PARP8: variants seen among roughly 807,000 people sequenced by gnomAD.
The protein encoded by PARP8 is poly(ADP-ribose) polymerase family member 8.
PARP8 carries 51 observed loss-of-function variants against 124.1 expected under a neutral mutation model. That is an observed-to-expected ratio of 0.41 (90% confidence interval 0.33 to 0.52). PARP8 has a LOEUF of 0.52. PARP8 is among the 20% of genes least tolerant of loss of function. The pLI, the probability that PARP8 is intolerant of heterozygous loss-of-function variation, is 0.21. For synonymous variants in PARP8, 391 were observed against 361.5 expected (o/e 1.08, Z -0.93); for missense variants, 860 against 1,018.9 (o/e 0.84, Z 2.12).
intron 7 of PARP8, among the ~76,000 whole-genome samples, chr5:50,775,384 G>A (rs1268180115): frequency 3.9e-5 from 6 of 152,270 alleles, no homozygotes; most frequent in South Asian, 2.1e-4. Flanking sequence ...GTGAAACCCC[G>A]TCTCCACCAA....
At chr5:50,747,256 AG>A (rs545857809) in intron 2 of PARP8, among the ~76,000 whole-genome samples, 128 of 148,364 alleles carry the variant, frequency 8.6e-4, no homozygotes, top group African/African-American at 3.1e-3. Context: ...ACTCTTTTCA[AG>A]GACTTAAGAC....
intron 4 of PARP8, 82 bp from the exon 5 acceptor site, chr5:50,760,210 A>G: frequency 8.5e-7 from 1 of 1,173,312 alleles, no homozygotes; most frequent in Non-Finnish European, 1.1e-6. Flanking sequence ...CCTAAAGGGT[A>G]GTTTTATACC....
intron 25 of PARP8, among the ~76,000 whole-genome samples, chr5:50,836,783 G>GATTGTT (rs1386496422): frequency 6.6e-6 from 1 of 152,100 alleles, no homozygotes; most frequent in Non-Finnish European, 1.5e-5. Context: ...TAACTATCTT[G>GATTGTT]ATTGTTATCC....
chr5:50,837,481 C>T (rs1747710244), intron 25 of PARP8, among the ~76,000 whole-genome samples: 1 of 152,044 alleles, frequency 6.6e-6, no homozygotes, highest in Non-Finnish European at 1.5e-5. Flanking sequence ...AATTTCTGTT[C>T]TTTTTATTTT....
chr5:50,796,819 T>C (rs1160072915), intron 12 of PARP8, among the ~76,000 whole-genome samples, 163 bp from the exon 13 acceptor site: 1 of 152,098 alleles, frequency 6.6e-6, no homozygotes, highest in Non-Finnish European at 1.5e-5. Context: ...TATAATAGAG[T>C]GAATAAAAAA....
intron 9 of PARP8, among the ~76,000 whole-genome samples, chr5:50,782,721 GTGTGT>G (rs1232741005): frequency 2.0e-5 from 3 of 152,112 alleles, no homozygotes; most frequent in African/African-American, 7.2e-5. Context: ...CCATTTTACG[GTGTGT>G]TGCCTGGGAC....
At chr5:50,815,546 T>A in intron 15 of PARP8, 22 bp downstream of exon 15, 2 of 1,530,914 alleles carry the variant, frequency 1.3e-6, no homozygotes, top group South Asian at 1.2e-5. Flanking sequence ...GGATACTAAT[T>A]ATTTCTTATT....
chr5:50,780,031 T>A (rs770018937), intron 9 of PARP8, among the ~76,000 whole-genome samples: 1 of 152,210 alleles, frequency 6.6e-6, no homozygotes, highest in Non-Finnish European at 1.5e-5. Flanking sequence ...GAAAAGGAAT[T>A]TCTCATAATT....
intron 3 of PARP8, among the ~76,000 whole-genome samples, chr5:50,758,795 T>C (rs904392999): frequency 6.6e-6 from 1 of 152,192 alleles, no homozygotes; most frequent in African/African-American, 2.4e-5. Flanking sequence ...TGTATTACCA[T>C]ATACTTGGAG....
chr5:50,682,516 C>A (rs1384525428), intron 2 of PARP8, among the ~76,000 whole-genome samples: 1 of 152,020 alleles, frequency 6.6e-6, no homozygotes, highest in Non-Finnish European at 1.5e-5. Flanking sequence ...TACCTTGTTA[C>A]TGCAGAAATG....
At chr5:50,723,862 G>A (rs2149508051) in intron 2 of PARP8, among the ~76,000 whole-genome samples, 1 of 152,092 alleles carries the variant, frequency 6.6e-6, no homozygotes, top group South Asian at 2.1e-4. Context: ...AATTCGTGAG[G>A]CATTGAAATT....
intron 2 of PARP8, among the ~76,000 whole-genome samples, chr5:50,678,503 A>G (rs1299957762): frequency 6.6e-6 from 1 of 152,192 alleles, no homozygotes; most frequent in Non-Finnish European, 1.5e-5. Flanking sequence ...TACAATTGCT[A>G]TAAATGTATC....
intron 10 of PARP8, among the ~76,000 whole-genome samples, chr5:50,789,168 C>T (rs1390166490): frequency 6.6e-6 from 1 of 152,154 alleles, no homozygotes; most frequent in Non-Finnish European, 1.5e-5. Context: ...GGTTTTTTAA[C>T]TAAACACTTT....
At chr5:50,704,592 A>T (rs1753937129) in intron 2 of PARP8, among the ~76,000 whole-genome samples, 1 of 152,166 alleles carries the variant, frequency 6.6e-6, no homozygotes, top group East Asian at 1.9e-4. Context: ...CTGGATTGAG[A>T]CGTGCTGTAA....
At position 50,667,102 on chromosome 5, in the gene PARP8, A is replaced by T; in HGVS notation, c.7A>T (p.Met3Leu). ...TTTTCCAGGGATTTATTTAATGGGGATGTGTTCAAGGCAAGAGCGAATTCA... is the reference window on the plus strand; with the variant it reads ...TTTTCCAGGGATTTATTTAATGGGGTTGTGTTCAAGGCAAGAGCGAATTCA... MG[M>L]CSRQERIQKD... Residue 3 changes from methionine to leucine, a missense_variant, in exon 1 of 26, where the codon ATG becomes TTG. Physicochemically the swap from Met to Leu is conservative, Grantham distance 15. This residue lies in a region of PARP8 where 517 missense variants were observed against 544.2 expected (regional missense o/e 0.95). Coordinates refer to ENST00000281631, the MANE Select transcript of PARP8 (RefSeq NM_024615.4). The T allele has an allele frequency of 6.3e-7, 1 of 1,595,886 alleles. No homozygotes were observed. Among genetic ancestry groups the T allele is most frequent in the Non-Finnish European group, 8.5e-7 (1 of 1,179,702 alleles).
chr5:50,828,152 C>T (rs2149712166), intron 20 of PARP8, 96 bp downstream of exon 20: 2 of 1,141,582 alleles, frequency 1.8e-6, no homozygotes, highest in Admixed American at 1.8e-5. Context: ...AATGATCATT[C>T]AGTAGATGGT....
At chr5:50,720,854 T>A (rs1311083128) in intron 2 of PARP8, among the ~76,000 whole-genome samples, 1 of 151,928 alleles carries the variant, frequency 6.6e-6, no homozygotes, top group African/African-American at 2.4e-5. Flanking sequence ...TCTTTGAAAA[T>A]GGGAAAGGGG....
At chr5:50,748,237 T>A (rs1056490731) in intron 2 of PARP8, among the ~76,000 whole-genome samples, 2 of 152,030 alleles carry the variant, frequency 1.3e-5, no homozygotes, top group African/African-American at 4.8e-5. Context: ...TATTTCCTTT[T>A]CTGATAGTTA....
chr5:50,747,877 A>T (rs1231529564), intron 2 of PARP8, among the ~76,000 whole-genome samples: 1 of 139,058 alleles, frequency 7.2e-6, no homozygotes, highest in Non-Finnish European at 1.5e-5. Flanking sequence ...GGTTCACGCC[A>T]TTCTCCTGCC....
Sources: allele counts gnomAD v4.1 joint callset (sites outside exome capture counted in the v4.1 genomes callset), GRCh38; gene constraint gnomAD v4.1.1; regional missense constraint gnomAD v4.1.1; transcripts MANE v1.5; gene names NCBI Gene and HGNC (gene_info 2026-07-23, HGNC 2026-07-21).